Variants in HDAC9 observed in about 807,000 individuals in gnomAD.
The protein encoded by HDAC9 is histone deacetylase 9.
Under a neutral mutation model 139.4 loss-of-function variants are expected in HDAC9, and 41 were observed. The ratio of observed to expected loss-of-function variants is 0.29; its 90% CI spans 0.23 to 0.38. The LOEUF (loss-of-function observed/expected upper bound fraction) is 0.38. Ranked by LOEUF, HDAC9 falls within the 10% of genes least tolerant of loss-of-function variation. The pLI is 1.00. For missense variants in HDAC9, 1,147 were observed against 1,297.0 expected (o/e 0.88, Z 1.78); for synonymous variants, 517 against 476.2 (o/e 1.09, Z -1.12).
intron 3 of HDAC9, among the ~76,000 whole-genome samples, chr7:18,586,404 A>G (rs1179317894): frequency 1.3e-5 from 2 of 152,114 alleles, no homozygotes; most frequent in Non-Finnish European, 2.9e-5. Context: ...TTATTTTTAT[A>G]TCTAACTTTC....
At chr7:18,139,994 C>G (rs1365514646) in intron 1 of HDAC9, among the ~76,000 whole-genome samples, 4 of 152,120 alleles carry the variant, frequency 2.6e-5, no homozygotes, top group East Asian at 3.9e-4. Context: ...TTCTGTTGTT[C>G]TGTGGCACAA....
chr7:18,616,163 T>A (rs1838536346), intron 6 of HDAC9, among the ~76,000 whole-genome samples: 2 of 152,200 alleles, frequency 1.3e-5, no homozygotes, highest in South Asian at 4.1e-4. Context: ...AAGTTAATCT[T>A]TTTTAAGTCA....
chr7:18,139,612 TG>T (rs754155433), intron 1 of HDAC9, among the ~76,000 whole-genome samples: 2 of 152,186 alleles, frequency 1.3e-5, no homozygotes, highest in Non-Finnish European at 2.9e-5. Flanking sequence ...GGCTGAATAA[TG>T]GCACCCCATA....
intron 2 of HDAC9, among the ~76,000 whole-genome samples, chr7:18,583,147 CTACT>C (rs1299196328): frequency 6.6e-6 from 1 of 151,946 alleles, no homozygotes; most frequent in African/African-American, 2.4e-5. Context: ...GTTTTGTTAG[CTACT>C]TACTATTGAT....
chr7:18,654,762 G>C (rs1278393122), intron 11 of HDAC9, among the ~76,000 whole-genome samples: 2 of 152,072 alleles, frequency 1.3e-5, no homozygotes, highest in African/African-American at 4.8e-5. Flanking sequence ...CACCGGTTTA[G>C]ATTTGCCACG....
At chr7:18,488,433 T>A (rs1796129361) in intron 1 of HDAC9, among the ~76,000 whole-genome samples, 1 of 151,974 alleles carries the variant, frequency 6.6e-6, no homozygotes, top group Non-Finnish European at 1.5e-5. Context: ...ATATGAAACA[T>A]TAGTTTTAGG....
intron 14 of HDAC9, among the ~76,000 whole-genome samples, chr7:18,751,090 A>G (rs1380322401): frequency 6.6e-6 from 1 of 152,182 alleles, no homozygotes; most frequent in East Asian, 1.9e-4. Context: ...TAAAAATTAG[A>G]AAGTCTATTA....
At chr7:18,678,323 C>T (rs1434918414) in intron 12 of HDAC9, among the ~76,000 whole-genome samples, 2 of 151,836 alleles carry the variant, frequency 1.3e-5, no homozygotes, top group East Asian at 3.9e-4. Context: ...CTGTGTACAT[C>T]CTTCTTTGGT....
chr7:18,778,115 A>G (rs1165960625), intron 16 of HDAC9, among the ~76,000 whole-genome samples: 1 of 151,974 alleles, frequency 6.6e-6, no homozygotes, highest in Non-Finnish European at 1.5e-5. Context: ...TACTATGCAC[A>G]CACAGCACAA....
At chr7:18,309,233 C>G (rs1799137477) in intron 1 of HDAC9, among the ~76,000 whole-genome samples, 1 of 152,110 alleles carries the variant, frequency 6.6e-6, no homozygotes, top group Admixed American at 6.5e-5. Flanking sequence ...CACCCATTTC[C>G]TTTAAGGACT....
At chr7:18,722,494 A>G (rs1204982239) in intron 12 of HDAC9, among the ~76,000 whole-genome samples, 4 of 152,322 alleles carry the variant, frequency 2.6e-5, no homozygotes, top group Middle Eastern at 3.4e-3. Flanking sequence ...ATGTATAAAC[A>G]TGAATAAAAT....
chr7:18,902,121 GA>G, intron 22 of HDAC9, among the ~76,000 whole-genome samples: 1 of 152,334 alleles, frequency 6.6e-6, no homozygotes, highest in South Asian at 2.1e-4. Flanking sequence ...GTCTCAGGGA[GA>G]ATGTACTGCA....
Position 18,762,272 on chromosome 7 carries a change from T to A in HDAC9, c.2159T>A (p.Leu720His), listed in dbSNP as rs750570994. Residue 720 changes from leucine to histidine, a missense_variant, in exon 15 of 26, where the codon CTC (leucine) becomes CAC (histidine). This residue lies in a region of HDAC9 where 407 missense variants were observed against 521.5 expected (regional missense o/e 0.78). Coordinates refer to ENST00000686413, the MANE Select transcript of HDAC9 (RefSeq NM_178425.4). ...LDGQKLDPRI[L>H]LGDDSQKFFS... ...GGACAGAAGCTGGACCCCAGGATAC[T>A]CCTAGGTCTGTACGGGCCTCCACTG... is the stretch of plus-strand genomic sequence containing the variant. The A allele has an allele frequency of 1.2e-4, 188 of 1,613,300 alleles. No homozygotes were observed. Among genetic ancestry groups the A allele is most frequent in the Non-Finnish European group, 1.5e-4 (182 of 1,179,594 alleles).
intron 17 of HDAC9, among the ~76,000 whole-genome samples, chr7:18,816,106 G>A (rs1794543296): frequency 6.6e-6 from 1 of 152,202 alleles, no homozygotes; most frequent in African/African-American, 2.4e-5. Context: ...TAATTTGAAT[G>A]TCAATACCAA....
intron 1 of HDAC9, among the ~76,000 whole-genome samples, chr7:18,451,393 GTGTGTGTGTATATA>G (rs761361597): frequency 2.2e-5 from 3 of 134,322 alleles, no homozygotes; most frequent in East Asian, 2.2e-4. Flanking sequence ...GTGTGTGTGT[GTGTGTGTGTATATA>G]TGTGTGTGTG....
At chr7:18,800,361 T>C (rs935580341) in intron 17 of HDAC9, among the ~76,000 whole-genome samples, 5 of 152,216 alleles carry the variant, frequency 3.3e-5, no homozygotes, top group Admixed American at 6.5e-5. Context: ...TTCTTAAATG[T>C]ATAGTTTAAA....
In HDAC9 at chr7:18,290,445, G is replaced by C. The variant is rs372504499; in HGVS notation, c.-112G>C. ...TTAATATTATAACGGATACAGAAAAGTTCAGAAGGACTGAGCTAGTTTGCG... is the reference window on the plus strand; with the variant it reads ...TTAATATTATAACGGATACAGAAAACTTCAGAAGGACTGAGCTAGTTTGCG... On this transcript the variant is annotated 5_prime_UTR_variant, in exon 1 of 4. Coordinates refer to the HDAC9 transcript ENST00000413509. The C allele has an allele frequency of 3.7e-3, 1,689 of 456,250 alleles. 46 individuals carry two copies. Among genetic ancestry groups the C allele is most frequent in the South Asian group, 0.024 (1,567 of 64,508 alleles). The allele number at this position is 456,250 out of a possible 1,614,324, so 28.3% of individuals were successfully genotyped here.
At chr7:18,759,286 GAGGTGAGTGGC>G (rs1789162203) in intron 14 of HDAC9, among the ~76,000 whole-genome samples, 1 of 152,138 alleles carries the variant, frequency 6.6e-6, no homozygotes, top group Admixed American at 6.6e-5. Context: ...TGCACAGCAG[GAGGTGAGTGGC>G]AGGTGAGTGA....
intron 1 of HDAC9, among the ~76,000 whole-genome samples, chr7:18,387,289 T>A (rs1026585975): frequency 4.0e-5 from 6 of 151,808 alleles, no homozygotes; most frequent in African/African-American, 1.5e-4. Context: ...GCCAATATAA[T>A]ATGTTGGTAC....
Sources: gnomAD v4.1 joint callset for allele counts (sites outside exome capture counted in the v4.1 genomes callset) on GRCh38, gnomAD v4.1.1 for gene constraint, gnomAD v4.1.1 regional missense constraint, MANE v1.5 for transcripts, NCBI Gene and HGNC (gene_info 2026-07-23, HGNC 2026-07-21) for gene names.